PDLIM5: variants seen among roughly 807,000 people sequenced by gnomAD.
The protein encoded by PDLIM5 is PDZ and LIM domain 5, also known as PDZ and LIM domain protein 5.
A neutral mutation model predicts 64.2 loss-of-function variants in PDLIM5; 34 were observed. That is an observed-to-expected ratio of 0.53 (90% CI 0.40 to 0.71). The LOEUF (loss-of-function observed/expected upper bound fraction) is 0.71. Among genes scored for constraint, PDLIM5 ranks in the 30% least tolerant of loss-of-function variants. The pLI is 0.00. For missense variants in PDLIM5, 683 were observed against 733.6 expected, an observed-to-expected ratio of 0.93 and a Z score of 0.80; for synonymous variants, 253 against 269.1, an observed-to-expected ratio of 0.94 and a Z score of 0.59.
chr4:94,526,878 G>A (rs140578292), intron 3 of PDLIM5, among the ~76,000 whole-genome samples: 11 of 149,330 alleles, frequency 7.4e-5, no homozygotes, highest in East Asian at 4.0e-4. Flanking sequence ...GATTACAGGC[G>A]CATGTCACCA....
rs1736115612 is a variant in PDLIM5 at position 94,585,566 on chromosome 4, C to A, written c.712C>A (p.Pro238Thr). Reference sequence around the variant, plus strand: ...TTTTTTTTTTCTCCTTAACCCTAGCCCACCAAGAAAACACATTGTGGAGCG... The same window carrying A: ...TTTTTTTTTTCTCCTTAACCCTAGCACACCAAGAAAACACATTGTGGAGCG... ...SQGDSKQQNG[P>T]PRKHIVERYT... The change falls in exon 6 of 13, where the codon CCA becomes ACA. Residue 238 changes from proline to threonine, a missense_variant and splice_region_variant. Transcript: ENST00000317968. 6.3e-7 allele frequency: 1 copy of A among 1,578,436 alleles called. No individual in the cohort carries two copies. The highest frequency in any genetic ancestry group is 8.6e-7 in the Non-Finnish European group (1 of 1,158,362).
At chr4:94,453,783 T>C (rs1723073038) in intron 1 of PDLIM5, among the ~76,000 whole-genome samples, 1 of 152,194 alleles carries the variant, frequency 6.6e-6, no homozygotes, top group Non-Finnish European at 1.5e-5. Context: ...TTTTCACCTA[T>C]ATATACAGTT....
intron 8 of PDLIM5, among the ~76,000 whole-genome samples, chr4:94,637,185 C>A (rs1740640096): frequency 6.6e-6 from 1 of 152,104 alleles, no homozygotes; most frequent in Non-Finnish European, 1.5e-5. Context: ...GATTTTTAAA[C>A]CTCTCTTTGC....
intron 2 of PDLIM5, among the ~76,000 whole-genome samples, chr4:94,475,390 G>A (rs949047892): frequency 1.1e-4 from 16 of 152,110 alleles, no homozygotes; most frequent in Non-Finnish European, 1.5e-5. Context: ...TGATTTAGCA[G>A]GCTCTTTAAG....
intron 2 of PDLIM5, among the ~76,000 whole-genome samples, chr4:94,495,673 C>T: frequency 6.6e-6 from 1 of 152,210 alleles, no homozygotes; most frequent in East Asian, 1.9e-4. Flanking sequence ...CAGAGCCCCA[C>T]TCCCTTAAAC....
chr4:94,482,693 A>G (rs1407032259), intron 2 of PDLIM5, among the ~76,000 whole-genome samples: 1 of 152,102 alleles, frequency 6.6e-6, no homozygotes, highest in Non-Finnish European at 1.5e-5. Flanking sequence ...GTTTGAGACC[A>G]GCCTGAGCAA....
chr4:94,611,050 C>G, intron 7 of PDLIM5: 1 of 1,527,084 alleles, frequency 6.5e-7, no homozygotes, highest in South Asian at 1.2e-5. Flanking sequence ...ACTTAAAACT[C>G]TTTCTAAATG....
intron 3 of PDLIM5, among the ~76,000 whole-genome samples, chr4:94,537,067 T>A (rs371164487): frequency 3.3e-5 from 5 of 152,222 alleles, no homozygotes; most frequent in African/African-American, 1.2e-4. Flanking sequence ...CCTGCCGTGA[T>A]CCCTGTTAAT....
chr4:94,602,599 C>T (rs1737592587), intron 7 of PDLIM5, among the ~76,000 whole-genome samples: 1 of 152,030 alleles, frequency 6.6e-6, no homozygotes, highest in Non-Finnish European at 1.5e-5. Context: ...ATTACAGGCA[C>T]CCACCACCAC....
intron 8 of PDLIM5, among the ~76,000 whole-genome samples, chr4:94,620,914 A>G (rs965055390): frequency 1.3e-5 from 2 of 151,248 alleles, no homozygotes; most frequent in Non-Finnish European, 2.9e-5. Flanking sequence ...CTAAAAATAA[A>G]AGAAAAGTTA....
rs535971181 is a variant in PDLIM5 at position 94,482,292 on chromosome 4, C to A, written c.96+26908C>A. On this transcript the variant is annotated intron_variant, in intron 2 of 12. Transcript: ENST00000317968. The stretch of plus-strand genomic sequence containing the variant: ...CTCAAGTGATCCTTCTGCCTCAGTG[C>A]CCAAAATGTTGGGATTACAGGTGTG... Among the ~76,000 whole-genome samples, 305 of 152,112 alleles carry A rather than the reference C, an allele frequency of 2.0e-3. 5 individuals carry two copies. The highest frequency in any genetic ancestry group is 7.4e-4 in the Non-Finnish European group (50 of 68,004).
rs192270658 is a variant in PDLIM5, at chr4:94,515,520, C to T, written c.97-8204C>T. Among the ~76,000 whole-genome samples the T allele has an allele frequency of 5.3e-5, 8 of 152,148 alleles. No homozygotes were observed. In the East Asian group the frequency reaches 5.8e-4, roughly 11 times the overall value. On this transcript the variant is annotated intron_variant, in intron 2 of 12. Transcript: ENST00000317968. ...AAAGGCCTGTGATTTTTCCTCCTGT[C>T]GTAGAAGTATGCTGGCCTGGTGTTT...
rs532516948 is a variant in PDLIM5 at position 94,463,580 on chromosome 4, T to A, written c.96+8196T>A. ...GAGGAAGAGGAAGGGTTGGTCTTGC[T>A]GTCTCAGGGTGTGCCAGGTAGGTTA... On this transcript the variant is annotated intron_variant, in intron 2 of 12. Coordinates refer to ENST00000317968, the MANE Select transcript of PDLIM5 (RefSeq NM_006457.5). 2.6e-5 allele frequency among the ~76,000 whole-genome samples: 4 copies of A among 152,258 alleles called. No homozygotes were observed. The South Asian group carries it at 8.3e-4, about 32-fold the overall frequency.
chr4:94,658,189 G>T (rs1457746872), intron 11 of PDLIM5, among the ~76,000 whole-genome samples: 1 of 152,212 alleles, frequency 6.6e-6, no homozygotes, highest in Non-Finnish European at 1.5e-5. Flanking sequence ...GTAAACATCA[G>T]AAATGTTCCA....
Position 94,587,780 on chromosome 4 carries a change from C to G in PDLIM5, c.920+1336C>G, listed in dbSNP as rs575398187. 4.2e-5 allele frequency: 39 copies of G among 925,878 alleles called. No individual in the cohort carries two copies. In the South Asian group the frequency reaches 1.9e-3, roughly 46 times the overall value. The allele number at this position is 925,878 out of a possible 1,614,324, so 57.4% of individuals were successfully genotyped here. On this transcript the variant is annotated intron_variant, in intron 7 of 12. Transcript: ENST00000317968. ...TGGATTTGCAAATCCTATTTCCTAT[C>G]AAAGGAAATATCTCTAGTGGATATT...
chr4:94,631,452 A>G (rs1234506316), intron 8 of PDLIM5, among the ~76,000 whole-genome samples: 1 of 152,226 alleles, frequency 6.6e-6, no homozygotes, highest in East Asian at 1.9e-4. Context: ...AAAATAAAAT[A>G]ATAACGCCTT....
Position 94,650,493 on chromosome 4 carries a change from G to A in PDLIM5, c.1284-3967G>A, listed in dbSNP as rs17021930. On this transcript the variant is annotated intron_variant, in intron 9 of 12. Coordinates refer to ENST00000317968, the MANE Select transcript of PDLIM5 (RefSeq NM_006457.5). ...TCTATTGATACAGTAATTTTCAGTC[G>A]AATAAAATCTGTTGTGGTTGGGCTT... Among the ~76,000 whole-genome samples the A allele has an allele frequency of 6.6e-3, 999 of 152,142 alleles. 14 individuals are homozygous for A. The highest frequency in any genetic ancestry group is 0.042 in the South Asian group (201 of 4,816).
intron 5 of PDLIM5, among the ~76,000 whole-genome samples, chr4:94,582,047 T>G (rs1013404681): frequency 6.6e-6 from 1 of 152,156 alleles, no homozygotes; most frequent in Non-Finnish European, 1.5e-5. Flanking sequence ...GAAAATTGAG[T>G]GATAGCTCAT....
intron 2 of PDLIM5, among the ~76,000 whole-genome samples, chr4:94,486,126 G>C (rs1301402727): frequency 6.6e-6 from 1 of 152,090 alleles, no homozygotes; most frequent in Non-Finnish European, 1.5e-5. Flanking sequence ...ACTCAGTACA[G>C]ACCTGTAGCT....
Sources: gnomAD v4.1 joint callset for allele counts (sites outside exome capture counted in the v4.1 genomes callset) on GRCh38, gnomAD v4.1.1 for gene constraint, MANE v1.5 for transcripts, NCBI Gene and HGNC (gene_info 2026-07-23, HGNC 2026-07-21) for gene names.